Variants in P4HA2 observed in about 807,000 individuals in gnomAD.
P4HA2 encodes prolyl 4-hydroxylase subunit alpha 2.
Under a neutral mutation model 76.9 loss-of-function variants are expected in P4HA2, and 46 were observed. The ratio of observed to expected loss-of-function variants is 0.60; its 90% confidence interval spans 0.47 to 0.76. P4HA2 has a LOEUF of 0.76. P4HA2 is among the 30% of genes least tolerant of loss of function. P4HA2 has a pLI of 0.00. For missense variants in P4HA2, 583 were observed against 669.4 expected (o/e 0.87, Z 1.42); for synonymous variants, 243 against 254.0 (o/e 0.96, Z 0.41).
intron 5 of P4HA2, among the ~76,000 whole-genome samples, chr5:132,212,082 G>A (rs76161035): frequency 0.014 from 2,081 of 152,264 alleles, 31 homozygotes; most frequent in African/African-American, 0.034. Flanking sequence ...TAGGCAATCA[G>A]ACATGGAGTA....
At position 132,203,821 on chromosome 5, in the gene P4HA2, G is replaced by A. The variant is rs1218644104; in HGVS notation, c.1178C>T (p.Pro393Leu). 6.2e-7 allele frequency: 1 copy of A among 1,613,726 alleles called. No individual in the cohort carries two copies. The highest frequency in any genetic ancestry group is 8.5e-7 in the Non-Finnish European group (1 of 1,179,618). Residue 393 changes from proline to leucine, a missense_variant, in exon 10 of 15, where the codon CCT becomes CTT. Transcript: ENST00000360568. ...KSSWLEEDDD[P>L]VVARVNRRMQ... is the part of the protein sequence containing the mutation. ...CCGACGATTTACTCGGGCCACAACA[G>A]GGTCATCATCTTCCTCTAGCCAGGA...
chr5:132,214,030 GCA>G lies in P4HA2; in HGVS notation c.353_354del (p.Val118AlafsTer8), dbSNP rs1156989317. ...SAAGFIANLSVQRQFFPTDED... is the reference protein window; with the variant it reads ...SAAGFIANLSXQRQFFPTDED... ...TCATCAGTGGGGAAGAACTGCCGCT[GCA>G]CAGAGAGGTTGGCGATAAAACCTTC... On this transcript the variant is annotated frameshift_variant, in exon 5 of 15. Coordinates refer to ENST00000360568, the MANE Select transcript of P4HA2 (RefSeq NM_001017974.2). LOFTEE classifies it high-confidence loss of function. 1 of 1,614,074 alleles carries G rather than the reference GCA, an allele frequency of 6.2e-7. No individual in the cohort carries two copies. The highest frequency in any genetic ancestry group is 1.1e-5 in the South Asian group (1 of 91,072).
In P4HA2 at chr5:132,191,138, A is replaced by T. The variant is rs1344739822; in HGVS notation, c.*1872T>A. Among the ~76,000 whole-genome samples the T allele has an allele frequency of 6.6e-6, 1 of 152,202 alleles. No individual in the cohort carries two copies. Among genetic ancestry groups the T allele is most frequent in the Non-Finnish European group, 1.5e-5 (1 of 68,022 alleles). On this transcript the variant is annotated 3_prime_UTR_variant, in exon 15 of 15. Transcript: ENST00000360568. Reference sequence around the variant, plus strand: ...AGGGCTGGGATCTCTTCATAAGGGCACTAATCCCACTCACGTGGGCTCCAT... The same window carrying T: ...AGGGCTGGGATCTCTTCATAAGGGCTCTAATCCCACTCACGTGGGCTCCAT...
intron 10 of P4HA2, chr5:132,201,799 A>G (rs1400249714): frequency 6.6e-6 from 1 of 152,218 alleles, no homozygotes; most frequent in Non-Finnish European, 1.5e-5. Flanking sequence ...AGAAGCTGCT[A>G]TCTTCCACGG....
rs1159429689 is a variant in P4HA2, at chr5:132,191,645, A to G, written c.*1365T>C. Among the ~76,000 whole-genome samples the G allele has an allele frequency of 6.6e-6, 1 of 151,576 alleles. No individual in the cohort carries two copies. Among genetic ancestry groups the G allele is most frequent in the Non-Finnish European group, 1.5e-5 (1 of 68,044 alleles). ...ACTAAATACTGGAAAAGATTGGGGT[A>G]ATAACTCTCATTTACTCCTGGTGAG... On this transcript the variant is annotated 3_prime_UTR_variant, in exon 15 of 15. Transcript: ENST00000360568.
chr5:132,213,799 AAGAGGTGCACC>A (rs1193414499), intron 5 of P4HA2, 106 bp downstream of exon 5: 20 of 903,894 alleles, frequency 2.2e-5, no homozygotes, highest in East Asian at 9.7e-5. Flanking sequence ...CTGGTGAGCC[AAGAGGTGCACC>A]AGAGGTGCAC....
At chr5:132,223,774 T>A (rs1754957370) in intron 1 of P4HA2, among the ~76,000 whole-genome samples, 1 of 152,192 alleles carries the variant, frequency 6.6e-6, no homozygotes, top group Non-Finnish European at 1.5e-5. Flanking sequence ...ATAAGATAGA[T>A]ACAAATGACA....
Position 132,220,783 on chromosome 5 carries a change from A to G in P4HA2, c.-18-2139T>C, listed in dbSNP as rs536473950. ...CAGATAGGGTTTGGGCAGAGCCTCAAAGAATCACAGATGGGGTTTGGGCAG... is the reference window on the plus strand; with the variant it reads ...CAGATAGGGTTTGGGCAGAGCCTCAGAGAATCACAGATGGGGTTTGGGCAG... On this transcript the variant is annotated intron_variant, in intron 1 of 14. Coordinates refer to ENST00000360568, the MANE Select transcript of P4HA2 (RefSeq NM_001017974.2). Among the ~76,000 whole-genome samples, 4 of 151,710 alleles carry G rather than the reference A, an allele frequency of 2.6e-5. No homozygotes were observed. The South Asian group carries it at 6.2e-4, about 24-fold the overall frequency.
chr5:132,195,737 C>A lies in P4HA2; in HGVS notation c.1366-257G>T, dbSNP rs1049121544. 9.2e-6 allele frequency: 5 copies of A among 543,782 alleles called. No individual in the cohort carries two copies. The Admixed American group carries it at 9.4e-5, about 10-fold the overall frequency. The allele number at this position is 543,782 out of a possible 1,614,324, so 33.7% of individuals were successfully genotyped here. ...CACAGGAGACCCACATCCGGGCTGTCCCTGGATGAAAATAATCTGAGTCTG... is the reference window on the plus strand; with the variant it reads ...CACAGGAGACCCACATCCGGGCTGTACCTGGATGAAAATAATCTGAGTCTG... On this transcript the variant is annotated intron_variant, in intron 12 of 14. Coordinates refer to ENST00000360568, the MANE Select transcript of P4HA2 (RefSeq NM_001017974.2).
intron 1 of P4HA2, among the ~76,000 whole-genome samples, chr5:132,219,656 G>A (rs185356785): frequency 5.4e-4 from 82 of 152,222 alleles, no homozygotes; most frequent in Middle Eastern, 3.4e-3. Flanking sequence ...CCACTGGAGT[G>A]CTCAAATGGA....
In P4HA2 at chr5:132,207,845, G is replaced by A; in HGVS notation, c.943C>T (p.His315Tyr). 6.2e-7 allele frequency: 1 copy of A among 1,602,716 alleles called. No individual in the cohort carries two copies. The highest frequency in any genetic ancestry group is 8.5e-7 in the Non-Finnish European group (1 of 1,174,790). The stretch of plus-strand genomic sequence containing the variant: ...AGCAGCTGTGGGGCCCTGTTGCCAT[G>A]GTGGTACCTACAGAAAAGCCTCTTC... ...RQKRLFCRYHHGNRAPQLLIA... is the reference protein window; with the variant it reads ...RQKRLFCRYHYGNRAPQLLIA... Residue 315 changes from histidine (H) to tyrosine (Y), a missense_variant, in exon 8 of 15, where the codon CAT becomes TAT. His to Tyr is a moderately conservative substitution (Grantham distance 83). Transcript: ENST00000360568.
At chr5:132,204,232 G>A (rs897932102) in intron 8 of P4HA2, 80 bp from the exon 9 acceptor site, 29 of 1,153,570 alleles carry the variant, frequency 2.5e-5, no homozygotes, top group Non-Finnish European at 3.4e-5. Context: ...AGAGCACTGG[G>A]ACCAGATTTA....
At position 132,190,212 on chromosome 5, in the gene P4HA2, C is replaced by CA. The variant is rs1311251621; in HGVS notation, c.*2797dup. Among the ~76,000 whole-genome samples, 1 of 152,092 alleles carries CA rather than the reference C, an allele frequency of 6.6e-6. No homozygotes were observed. Among genetic ancestry groups the CA allele is most frequent in the African/African-American group, 2.4e-5 (1 of 41,414 alleles). On this transcript the variant is annotated 3_prime_UTR_variant, in exon 15 of 15. Transcript: ENST00000360568. The stretch of plus-strand genomic sequence containing the variant: ...ATACCATTGTACAAATTCAAGAATC[C>CA]AAAAAAGTCTCAAACAGGAAAAGAA...
Position 132,203,824 on chromosome 5 carries a change from T to C in P4HA2, c.1175A>G (p.Asp392Gly). ...SKSSWLEEDD[D>G]PVVARVNRRM... ...ACGATTTACTCGGGCCACAACAGGG[T>C]CATCATCTTCCTCTAGCCAGGAGCT... The change falls in exon 10 of 15, where the codon GAC becomes GGC. Residue 392 changes from aspartate (D) to glycine (G), a missense_variant. Physicochemically the swap from Asp to Gly is moderately conservative, Grantham distance 94 (BLOSUM62 -1). Transcript: ENST00000360568. 6.2e-7 allele frequency: 1 copy of C among 1,613,660 alleles called. No individual in the cohort carries two copies. The highest frequency in any genetic ancestry group is 1.1e-5 in the South Asian group (1 of 91,046).
At chr5:132,217,511 C>A in intron 3 of P4HA2, 163 bp from the exon 4 acceptor site, 1 of 675,412 alleles carries the variant, frequency 1.5e-6, no homozygotes. Context: ...ACTTCTAGCC[C>A]CTTAATCTAG....
intron 10 of P4HA2, 52 bp downstream of exon 10, chr5:132,203,696 T>G: frequency 8.6e-7 from 1 of 1,166,588 alleles, no homozygotes. Flanking sequence ...TGAGACCATC[T>G]AGCCACAAAT....
intron 2 of P4HA2, 127 bp downstream of exon 2, chr5:132,218,418 C>A: frequency 1.7e-6 from 1 of 589,970 alleles, no homozygotes. Context: ...CAGTTCCACT[C>A]TCCTCAGAAC....
rs1460418752 is a variant in P4HA2, at chr5:132,210,461, T to G, written c.532A>C (p.Asn178His). Reference protein sequence around the residue: ...DCFGMGRSAYNEGDYYHTVLW... With the variant: ...DCFGMGRSAYHEGDYYHTVLW... ...ACCGTATGATAATAGTCCCCTTCAT[T>G]GTAGGCCGAGCGGCCCATCCCAAAG... Residue 178 changes from asparagine (N) to histidine (H), a missense_variant, in exon 6 of 15, where the codon AAT becomes CAT. Physicochemically the swap from Asn to His is moderately conservative, Grantham distance 68. Transcript: ENST00000360568. 1 of 1,614,078 alleles carries G rather than the reference T, an allele frequency of 6.2e-7. No homozygotes were observed. The highest frequency in any genetic ancestry group is 8.5e-7 in the Non-Finnish European group (1 of 1,179,992).
chr5:132,226,239 T>C (rs1755381304), intron 1 of P4HA2, among the ~76,000 whole-genome samples: 1 of 152,112 alleles, frequency 6.6e-6, no homozygotes, highest in Admixed American at 6.5e-5. Flanking sequence ...CTATAAATTC[T>C]TAGGTGGACA....
Sources: gnomAD v4.1 joint callset for allele counts (sites outside exome capture counted in the v4.1 genomes callset) on GRCh38, gnomAD v4.1.1 for gene constraint, MANE v1.5 for transcripts, NCBI Gene and HGNC (gene_info 2026-07-23, HGNC 2026-07-21) for gene names.